FAT3: variants seen among roughly 807,000 people sequenced by gnomAD.
The protein encoded by FAT3 is FAT atypical cadherin 3, also known as protocadherin Fat 3.
Under a neutral mutation model 310.2 loss-of-function variants are expected in FAT3, and 95 were observed. That is an observed-to-expected ratio of 0.31 (90% CI 0.26 to 0.36). The LOEUF (loss-of-function observed/expected upper bound fraction) is 0.36. Among genes scored for constraint, FAT3 ranks in the 10% least tolerant of loss-of-function variants. The pLI is 1.00. For synonymous variants in FAT3, 2,314 were observed against 2,192.9 expected (o/e 1.06, Z -1.54); for missense variants, 5,408 against 5,715.6 (o/e 0.95, Z 1.74).
chr11:92,819,338 T>G (rs1446552268), intron 13 of FAT3, among the ~76,000 whole-genome samples: 1 of 152,176 alleles, frequency 6.6e-6, no homozygotes, highest in Non-Finnish European at 1.5e-5. Context: ...TTCTCAAACT[T>G]CAGTGAGCAT....
chr11:92,588,166 TA>T (rs2135551720), intron 3 of FAT3, among the ~76,000 whole-genome samples: 1 of 151,996 alleles, frequency 6.6e-6, no homozygotes, highest in African/African-American at 2.4e-5. Context: ...AGAGCATGCA[TA>T]CTTTCAACAG....
chr11:92,537,238 A>G (rs927270247), intron 3 of FAT3, among the ~76,000 whole-genome samples: 10 of 152,114 alleles, frequency 6.6e-5, no homozygotes, highest in African/African-American at 2.2e-4. Context: ...CTTTGAGTCT[A>G]TATATGAGAA....
chr11:92,762,675 A>C (rs1946185647), intron 5 of FAT3, among the ~76,000 whole-genome samples: 1 of 152,162 alleles, frequency 6.6e-6, no homozygotes, highest in Non-Finnish European at 1.5e-5. Context: ...AACTGAAAAA[A>C]CTCAAGTATA....
chr11:92,828,312 CT>C (rs1948150886), intron 13 of FAT3, among the ~76,000 whole-genome samples: 1 of 152,112 alleles, frequency 6.6e-6, no homozygotes, highest in Non-Finnish European at 1.5e-5. Context: ...AAATTGGCGA[CT>C]ATGCTTCTGA....
intron 2 of FAT3, among the ~76,000 whole-genome samples, chr11:92,471,606 G>A (rs980952224): frequency 2.6e-5 from 4 of 152,064 alleles, no homozygotes; most frequent in African/African-American, 9.7e-5. Context: ...GGTGTAAATT[G>A]TTTCAGCAAC....
chr11:92,699,392 A>G (rs1944030571), intron 4 of FAT3, among the ~76,000 whole-genome samples: 1 of 152,232 alleles, frequency 6.6e-6, no homozygotes, highest in Non-Finnish European at 1.5e-5. Flanking sequence ...AATGTTTAAG[A>G]TGATAGATAA....
chr11:92,509,699 T>C (rs929687654), intron 2 of FAT3, among the ~76,000 whole-genome samples: 1 of 152,162 alleles, frequency 6.6e-6, no homozygotes, highest in Non-Finnish European at 1.5e-5. Context: ...GGAAAGATGT[T>C]CCATGTACAA....
In FAT3 at chr11:92,827,912, A is replaced by G. The variant is rs560771026; in HGVS notation, c.9482-3710A>G. On this transcript the variant is annotated intron_variant, in intron 13 of 27. Transcript: ENST00000525166. ...ACATGCAGAAACCTCACTTGCAATGAAAGTCACACTTCTCTTGGTAACCTG... is the reference window on the plus strand; with the variant it reads ...ACATGCAGAAACCTCACTTGCAATGGAAGTCACACTTCTCTTGGTAACCTG... Among the ~76,000 whole-genome samples, 4 of 152,344 alleles carry G rather than the reference A, an allele frequency of 2.6e-5. No individual in the cohort carries two copies. The East Asian group carries it at 5.8e-4, about 22-fold the overall frequency.
chr11:92,710,608 A>AT (rs1944491481), intron 4 of FAT3, among the ~76,000 whole-genome samples: 1 of 149,730 alleles, frequency 6.7e-6, no homozygotes, highest in African/African-American at 2.6e-5. Context: ...TTTATTTAGC[A>AT]TTTTTTACAA....
chr11:92,799,826 C>G lies in FAT3; in HGVS notation c.6813C>G (p.Val2271=). 2 of 1,613,304 alleles carry G rather than the reference C, an allele frequency of 1.2e-6. No individual in the cohort carries two copies. Among genetic ancestry groups the G allele is most frequent in the Non-Finnish European group, 8.5e-7 (1 of 1,179,616 alleles). Residue 2271 remains valine, a synonymous_variant, in exon 10 of 28, where the codon GTC becomes GTG. Transcript: ENST00000525166. ...SDALTGARAE[V]TVDLLVNDVN... ...CCCTTACTGGTGCTAGGGCTGAAGT[C>G]ACTGTTGACTTGCTAGTTAATGATG...
chr11:92,465,292 C>A (rs1951732146), intron 2 of FAT3, among the ~76,000 whole-genome samples: 1 of 152,128 alleles, frequency 6.6e-6, no homozygotes, highest in Admixed American at 6.6e-5. Flanking sequence ...CCAGAAAGTT[C>A]ATATTAAGCC....
chr11:92,636,444 C>G (rs1941770733), intron 3 of FAT3, among the ~76,000 whole-genome samples: 1 of 152,152 alleles, frequency 6.6e-6, no homozygotes, highest in Non-Finnish European at 1.5e-5. Context: ...AAATTACATT[C>G]CTTTCAGTTA....
chr11:92,244,331 C>T (rs187154282), intron 1 of FAT3, among the ~76,000 whole-genome samples: 53 of 152,116 alleles, frequency 3.5e-4, no homozygotes, highest in African/African-American at 1.0e-3. Flanking sequence ...TCCGGACTCC[C>T]AGTTAAATTT....
chr11:92,697,151 A>T (rs1307028121), intron 3 of FAT3, among the ~76,000 whole-genome samples: 2 of 152,180 alleles, frequency 1.3e-5, no homozygotes, highest in African/African-American at 2.4e-5. Context: ...ACATCCCCAA[A>T]GTGGGATGTA....
intron 20 of FAT3, among the ~76,000 whole-genome samples, chr11:92,858,825 G>A (rs1949048538): frequency 6.6e-6 from 1 of 152,308 alleles, no homozygotes; most frequent in Admixed American, 6.5e-5. Context: ...GAGGAATGAA[G>A]GGGTATCTTT....
rs546372868 is a variant in FAT3, at chr11:92,300,131, G to T, written c.-17-51965G>T. On this transcript the variant is annotated intron_variant, in intron 1 of 27. Transcript: ENST00000525166. ...ATGAAACCAATTAACACAATTAAGTGCATATGTGTTACAAGAGGAATTTCA... is the reference window on the plus strand; with the variant it reads ...ATGAAACCAATTAACACAATTAAGTTCATATGTGTTACAAGAGGAATTTCA... Among the ~76,000 whole-genome samples the T allele has an allele frequency of 1.6e-4, 25 of 152,122 alleles. 1 individual carries two copies. Among genetic ancestry groups the T allele is most frequent in the South Asian group, 4.1e-4 (2 of 4,832 alleles).
In FAT3 at chr11:92,883,906, T is replaced by C. The variant is rs1949737725; in HGVS notation, c.12937+513T>C. Among the ~76,000 whole-genome samples, 1 of 152,146 alleles carries C rather than the reference T, an allele frequency of 6.6e-6. No individual in the cohort carries two copies. The highest frequency in any genetic ancestry group is 2.4e-5 in the African/African-American group (1 of 41,414). ...GAGAGAAGCAGAGGGACACTTCAAT[T>C]GGACCATGATGAGTTAAAGAGTCTG... On this transcript the variant is annotated intron_variant, in intron 24 of 27. Coordinates refer to ENST00000525166, the MANE Select transcript of FAT3 (RefSeq NM_001367949.2). This position sits in a 1 kb window ranked among gnomAD's most constrained non-coding sequence, Gnocchi z 4.2.
intron 3 of FAT3, among the ~76,000 whole-genome samples, chr11:92,559,124 T>C (rs1591448129): frequency 6.6e-6 from 1 of 152,182 alleles, no homozygotes; most frequent in Non-Finnish European, 1.5e-5. Flanking sequence ...TATTTGTGTG[T>C]GCATGTATTT....
At chr11:92,342,514 C>A (rs913217681) in intron 1 of FAT3, among the ~76,000 whole-genome samples, 1 of 152,146 alleles carries the variant, frequency 6.6e-6, no homozygotes, top group Non-Finnish European at 1.5e-5. Context: ...TAACAGATGG[C>A]AGGAACTTGG....
Sources: gnomAD v4.1 joint callset for allele counts (sites outside exome capture counted in the v4.1 genomes callset) on GRCh38, gnomAD v4.1.1 for gene constraint, Gnocchi (gnomAD v3.1) non-coding constraint, MANE v1.5 for transcripts, NCBI Gene and HGNC (gene_info 2026-07-23, HGNC 2026-07-21) for gene names.